The following PTH2 variants were observed in gnomAD, a reference collection of about 807,000 sequenced individuals.
PTH2 encodes parathyroid hormone 2, also known as tuberoinfundibular 39 residue protein.
In PTH2, 5 loss-of-function variants were observed where a neutral mutation model predicts 6.2. The observed-to-expected ratio is 0.80, with a 90% CI of 0.42 to 1.69. The LOEUF is 1.69. Among genes scored for constraint, PTH2 ranks in the 40% most tolerant of loss-of-function variants. The probability of loss-of-function intolerance (pLI) is 0.02; values close to 1 mark genes in which losing one functional copy is unlikely to be tolerated. For missense variants in PTH2, 156 were observed against 142.5 expected, an observed-to-expected ratio of 1.09 and a Z score of -0.48; for synonymous variants, 67 against 73.6, an observed-to-expected ratio of 0.91 and a Z score of 0.46.
rs1975035769 is a variant in PTH2, at chr19:49,423,199, GACTGGC to G, written c.128+7_128+12del. ...TCCCACCCCTCCCTGGGAGTTCTGG[GACTGGC>G]ACCTACCTGAGGACCCCGACCGGGG... On this transcript the variant is annotated splice_region_variant and intron_variant, in intron 1 of 1. Transcript: ENST00000270631. The G allele has an allele frequency of 1.2e-6, 2 of 1,612,060 alleles. No individual in the cohort carries two copies. Among genetic ancestry groups the G allele is most frequent in the Non-Finnish European group, 1.7e-6 (2 of 1,178,830 alleles).
In PTH2 at chr19:49,422,447, A is replaced by G. The variant is rs752221121; in HGVS notation, c.*21T>C. ...GGAGCGCAGGGCATGGTCTTTATTAAGATGGGGACGGGCAGCGCGCTCAGG... is the reference window on the plus strand; with the variant it reads ...GGAGCGCAGGGCATGGTCTTTATTAGGATGGGGACGGGCAGCGCGCTCAGG... On this transcript the variant is annotated 3_prime_UTR_variant, in exon 2 of 2. Transcript: ENST00000270631. 1.9e-6 allele frequency: 3 copies of G among 1,585,976 alleles called. No homozygotes were observed. The highest frequency in any genetic ancestry group is 4.9e-5 in the East Asian group (2 of 40,772).
chr19:49,422,544 C>T lies in PTH2; in HGVS notation c.227G>A (p.Arg76Gln), dbSNP rs763946286. The change falls in exon 2 of 2, where the codon CGG becomes CAG. Residue 76 changes from arginine to glutamine, a missense_variant. By Grantham distance (43) the Arg-to-Gln change is conservative (BLOSUM62 1). Coordinates refer to ENST00000270631, the MANE Select transcript of PTH2 (RefSeq NM_178449.4). ...ADDAAFRERA[R>Q]LLAALERRHW... ...GCGGCGCTCGAGGGCGGCCAGCAAC[C>T]GCGCGCGCTCCCGGAAGGCCGCGTC... 6.3e-7 allele frequency: 1 copy of T among 1,595,174 alleles called. No homozygotes were observed. Among genetic ancestry groups the T allele is most frequent in the Admixed American group, 1.7e-5 (1 of 57,884 alleles).
At position 49,422,429 on chromosome 19, in the gene PTH2, A is replaced by G; in HGVS notation, c.*39T>C. 1 of 1,570,496 alleles carries G rather than the reference A, an allele frequency of 6.4e-7. No homozygotes were observed. The highest frequency in any genetic ancestry group is 8.6e-7 in the Non-Finnish European group (1 of 1,163,360). ...AGGAACTAGGCGCAGTCCGGAGCGC[A>G]GGGCATGGTCTTTATTAAGATGGGG... On this transcript the variant is annotated 3_prime_UTR_variant, in exon 2 of 2. Transcript: ENST00000270631.
Position 49,423,273 on chromosome 19 carries a change from C to G in PTH2, c.67G>C (p.Val23Leu), listed in dbSNP as rs112077618. 2,395 of 1,580,948 alleles carry G rather than the reference C, an allele frequency of 1.5e-3. 2 individuals carry two copies. The highest frequency in any genetic ancestry group is 0.014 in the African/African-American group (1,003 of 74,262). Reference sequence around the variant, plus strand: ...GCAGTGCGGACGCCCCAGGGCACCACCAGCAGCAGCAGCAGCAGCAGCAGC... The same window carrying G: ...GCAGTGCGGACGCCCCAGGGCACCAGCAGCAGCAGCAGCAGCAGCAGCAGC... ...RLLLLLLLLL[V>L]VPWGVRTASG... The change falls in exon 1 of 2, where the codon GTG becomes CTG. Residue 23 changes from valine to leucine, a missense_variant. Val to Leu is a conservative substitution (Grantham distance 32, BLOSUM62 1). Coordinates refer to ENST00000270631, the MANE Select transcript of PTH2 (RefSeq NM_178449.4).
rs1568630158 is a variant in PTH2, at chr19:49,423,326, T to G, written c.14A>C (p.Gln5Pro). The change falls in exon 1 of 2, where the codon CAG becomes CCG. Residue 5 changes from glutamine to proline, a missense_variant. Gln to Pro is a moderately conservative substitution (Grantham distance 76). Coordinates refer to ENST00000270631, the MANE Select transcript of PTH2 (RefSeq NM_178449.4). METR[Q>P]VSRSPRVRLL... ...CCGAACCCGAGGGCTCCTGGACACC[T>G]GGCGGGTCTCCATCACCTGTGGAGA... 6.3e-7 allele frequency: 1 copy of G among 1,599,906 alleles called. No homozygotes were observed. The highest frequency in any genetic ancestry group is 2.2e-5 in the East Asian group (1 of 44,560).
At position 49,422,544 on chromosome 19, in the gene PTH2, C is replaced by A. The variant is rs763946286; in HGVS notation, c.227G>T (p.Arg76Leu). The change falls in exon 2 of 2, where the codon CGG (arginine) becomes CTG (leucine). Residue 76 changes from arginine to leucine, a missense_variant. Arg to Leu is a moderately radical substitution (Grantham distance 102, BLOSUM62 -2). Transcript: ENST00000270631. ...ADDAAFRERA[R>L]LLAALERRHW... Reference sequence around the variant, plus strand: ...GCGGCGCTCGAGGGCGGCCAGCAACCGCGCGCGCTCCCGGAAGGCCGCGTC... The same window carrying A: ...GCGGCGCTCGAGGGCGGCCAGCAACAGCGCGCGCTCCCGGAAGGCCGCGTC... The A allele has an allele frequency of 1.1e-5, 18 of 1,595,058 alleles. No homozygotes were observed. The highest frequency in any genetic ancestry group is 1.7e-4 in the Middle Eastern group (1 of 6,000).
At chr19:49,423,095 G>T in intron 1 of PTH2, 117 bp downstream of exon 1, 1 of 1,319,108 alleles carries the variant, frequency 7.6e-7, no homozygotes, top group Non-Finnish European at 1.0e-6. Context: ...GGTCTCGGTC[G>T]CCCTCTCTTT....
intron 1 of PTH2, 78 bp downstream of exon 1, chr19:49,423,134 C>T (rs1206949261): frequency 1.3e-6 from 2 of 1,535,658 alleles, no homozygotes; most frequent in Non-Finnish European, 1.8e-6. Context: ...CTGGATCTTC[C>T]GTCCCCTTTC....
Position 49,422,483 on chromosome 19 carries a change from C to T in PTH2, c.288G>A (p.Val96=). Residue 96 remains valine (V), a synonymous_variant, in exon 2 of 2, where the codon GTG becomes GTA. Transcript: ENST00000270631. ...WLNSYMHKLL[V]LDAP ...GGCAGCGCGCTCAGGGCGCATCCAA[C>T]ACCAGCAGCTTGTGCATGTACGAGT... 3.1e-6 allele frequency: 5 copies of T among 1,601,304 alleles called. No individual in the cohort carries two copies. Among genetic ancestry groups the T allele is most frequent in the Non-Finnish European group, 3.4e-6 (4 of 1,175,358 alleles).
At position 49,422,959 on chromosome 19, in the gene PTH2, G is replaced by A. The variant is rs755494088; in HGVS notation, c.128+253C>T. On this transcript the variant is annotated intron_variant, in intron 1 of 1. Coordinates refer to ENST00000270631, the MANE Select transcript of PTH2 (RefSeq NM_178449.4). Reference sequence around the variant, plus strand: ...AACGACTCCTTTCGAGCCTCTCCACGCCTTTCTCGGGATCTATCTTTCTGT... The same window carrying A: ...AACGACTCCTTTCGAGCCTCTCCACACCTTTCTCGGGATCTATCTTTCTGT... Among the ~76,000 whole-genome samples, 2 of 152,004 alleles carry A rather than the reference G, an allele frequency of 1.3e-5. 1 individual carries two copies. Among genetic ancestry groups the A allele is most frequent in the Admixed American group, 1.3e-4 (2 of 15,260 alleles).
chr19:49,422,535 G>A lies in PTH2; in HGVS notation c.236C>T (p.Ala79Val). ...CAGCCAGTGGCGGCGCTCGAGGGCGGCCAGCAACCGCGCGCGCTCCCGGAA... is the reference window on the plus strand; with the variant it reads ...CAGCCAGTGGCGGCGCTCGAGGGCGACCAGCAACCGCGCGCGCTCCCGGAA... ...AAFRERARLL[A>V]ALERRHWLNS... The change falls in exon 2 of 2, where the codon GCC becomes GTC. Residue 79 changes from alanine (A) to valine (V), a missense_variant. Coordinates refer to ENST00000270631, the MANE Select transcript of PTH2 (RefSeq NM_178449.4). The A allele has an allele frequency of 1.3e-6, 2 of 1,596,154 alleles. No homozygotes were observed. Among genetic ancestry groups the A allele is most frequent in the South Asian group, 1.1e-5 (1 of 89,802 alleles).
chr19:49,422,651 A>G lies in PTH2; in HGVS notation c.129-9T>C. On this transcript the variant is annotated splice_polypyrimidine_tract_variant and intron_variant, in intron 1 of 1. Transcript: ENST00000270631. ...GTCCTGGGGGGCGGAGGCTGTGGAGAGACGCGGTGACCGCGCGTCCAGACT... is the reference window on the plus strand; with the variant it reads ...GTCCTGGGGGGCGGAGGCTGTGGAGGGACGCGGTGACCGCGCGTCCAGACT... 1 of 1,399,424 alleles carries G rather than the reference A, an allele frequency of 7.1e-7. No individual in the cohort carries two copies. The highest frequency in any genetic ancestry group is 3.7e-5 in the Admixed American group (1 of 26,806). 86.7% of individuals were successfully genotyped at this position (1,399,424 alleles called of 1,614,324 possible).
At chr19:49,423,127 G>C (rs963582531) in intron 1 of PTH2, 85 bp downstream of exon 1, 32 of 1,519,548 alleles carry the variant, frequency 2.1e-5, no homozygotes, top group Middle Eastern at 3.5e-4. Context: ...CCGCTTTCTG[G>C]ATCTTCCGTC....
chr19:49,423,139 C>G, intron 1 of PTH2, 73 bp downstream of exon 1: 3 of 1,551,256 alleles, frequency 1.9e-6, no homozygotes, highest in Non-Finnish European at 2.6e-6. Context: ...TCTTCCGTCC[C>G]CTTTCTCTTT....
At chr19:49,422,947 G>A (rs958946501) in intron 1 of PTH2, among the ~76,000 whole-genome samples, 2 of 151,874 alleles carry the variant, frequency 1.3e-5, no homozygotes, top group African/African-American at 4.8e-5. Flanking sequence ...GACTCCTTTC[G>A]AGCCTCTCCA....
intron 1 of PTH2, among the ~76,000 whole-genome samples, chr19:49,422,888 A>G (rs1009827857): frequency 6.6e-6 from 1 of 152,202 alleles, no homozygotes; most frequent in African/African-American, 2.4e-5. Flanking sequence ...CCAGGCGCAC[A>G]CCAAGAACCC....
chr19:49,422,937 G>T (rs780330470), intron 1 of PTH2, among the ~76,000 whole-genome samples: 8 of 151,910 alleles, frequency 5.3e-5, no homozygotes, highest in Non-Finnish European at 1.2e-4. Flanking sequence ...TTTCTGCAAC[G>T]ACTCCTTTCG....
At chr19:49,422,980 T>C (rs904349978) in intron 1 of PTH2, among the ~76,000 whole-genome samples, 10 of 151,628 alleles carry the variant, frequency 6.6e-5, no homozygotes, top group Non-Finnish European at 1.2e-4. Context: ...GATCTATCTT[T>C]CTGTGTCTCT....
intron 1 of PTH2, 27 bp downstream of exon 1, chr19:49,423,185 C>T (rs1410866426): frequency 1.2e-6 from 2 of 1,609,138 alleles, no homozygotes; most frequent in African/African-American, 1.3e-5. Flanking sequence ...CCCACCCCTC[C>T]CTGGGAGTTC....
Sources: gnomAD v4.1 joint callset for allele counts (sites outside exome capture counted in the v4.1 genomes callset) on GRCh38, gnomAD v4.1.1 for gene constraint, MANE v1.5 for transcripts, NCBI Gene and HGNC (gene_info 2026-07-23, HGNC 2026-07-21) for gene names.